Variants in BTBD9 observed in about 807,000 individuals in gnomAD.
BTBD9 encodes BTB domain containing 9, also known as BTB/POZ domain-containing protein 9.
A neutral mutation model predicts 64.3 loss-of-function variants in BTBD9; 49 were observed. That is an observed-to-expected ratio of 0.76 (90% confidence interval 0.61 to 0.97). The LOEUF is 0.97. Among genes scored for constraint, BTBD9 ranks in the 50% least tolerant of loss-of-function variants. BTBD9 has a pLI of 0.00. For synonymous variants in BTBD9, 260 were observed against 274.7 expected (o/e 0.95, Z 0.53); for missense variants, 598 against 762.1 (o/e 0.78, Z 2.53).
chr6:38,197,038 T>C (rs1216123954), intron 9 of BTBD9, among the ~76,000 whole-genome samples: 1 of 152,192 alleles, frequency 6.6e-6, no homozygotes, highest in Admixed American at 6.5e-5. Flanking sequence ...GTAATGCAAA[T>C]GAAATCATGG....
rs367767933 is a variant in BTBD9, at chr6:38,594,339, G to T, written c.186-12C>A. ...CATATAATAATGCTCTGCACATCAG[G>T]GAAGAAACACATGAAGAAACCCTCA... On this transcript the variant is annotated splice_polypyrimidine_tract_variant and intron_variant, in intron 2 of 10. Transcript: ENST00000481247. The T allele has an allele frequency of 7.6e-6, 12 of 1,569,534 alleles. No homozygotes were observed. The African/African-American group carries it at 1.6e-4, about 21-fold the overall frequency.
intron 6 of BTBD9, among the ~76,000 whole-genome samples, chr6:38,505,458 C>G (rs140930561): frequency 6.6e-6 from 1 of 151,962 alleles, no homozygotes; most frequent in Non-Finnish European, 1.5e-5. Flanking sequence ...AACCCCACCT[C>G]TATTAAAAAT....
chr6:38,174,890 A>C lies in BTBD9; in HGVS notation c.*95T>G. The C allele has an allele frequency of 7.0e-7, 1 of 1,428,818 alleles. No individual in the cohort carries two copies. Among genetic ancestry groups the C allele is most frequent in the Non-Finnish European group, 9.6e-7 (1 of 1,045,696 alleles). The allele number at this position is 1,428,818 out of a possible 1,614,324, so 88.5% of individuals were successfully genotyped here. A position where few individuals can be genotyped will look rare whatever the true frequency, so the allele number is the denominator to read the frequency against. ...TCGGCTCCTCCCTGGAAAGGGGCAG[A>C]GGTGGGGGCAGTCAACAGAGACCCC... On this transcript the variant is annotated 3_prime_UTR_variant, in exon 11 of 11. Coordinates refer to ENST00000481247, the MANE Select transcript of BTBD9 (RefSeq NM_001099272.2).
At chr6:38,464,867 C>A (rs1270801133) in intron 6 of BTBD9, among the ~76,000 whole-genome samples, 1 of 152,140 alleles carries the variant, frequency 6.6e-6, no homozygotes, top group Non-Finnish European at 1.5e-5. Context: ...AGAGACTGAA[C>A]TGGGAAATAT....
intron 9 of BTBD9, among the ~76,000 whole-genome samples, chr6:38,215,416 G>A (rs1430689071): frequency 6.6e-6 from 1 of 152,112 alleles, no homozygotes; most frequent in Non-Finnish European, 1.5e-5. Context: ...TTACCCACGC[G>A]CGAGTGAACA....
chr6:38,411,671 C>G (rs1387883248), intron 6 of BTBD9, among the ~76,000 whole-genome samples: 1 of 151,978 alleles, frequency 6.6e-6, no homozygotes, highest in Admixed American at 6.6e-5. Context: ...TGTAGTGACT[C>G]ACACCAGTAA....
Position 38,288,297 on chromosome 6 carries a change from G to A in BTBD9, c.1429C>T (p.Gln477Ter). Residue 477 changes from glutamine to a stop codon, truncating the protein, a stop_gained, in exon 8 of 11, where the codon CAA (glutamine) becomes TAA (stop). Transcript: ENST00000481247. LOFTEE classifies it high-confidence loss of function. ...CGTATTGACCCAATCATGTACGGTTGTGCCAACTGAACCACAATCGCACCA... is the reference window on the plus strand; with the variant it reads ...CGTATTGACCCAATCATGTACGGTTATGCCAACTGAACCACAATCGCACCA... ...GSGAIVVQLA[Q>*]PYMIGSIRLL... The A allele has an allele frequency of 6.2e-7, 1 of 1,614,148 alleles. No homozygotes were observed. The highest frequency in any genetic ancestry group is 8.5e-7 in the Non-Finnish European group (1 of 1,179,978).
chr6:38,211,800 A>G (rs768971020), intron 9 of BTBD9, among the ~76,000 whole-genome samples: 2 of 152,172 alleles, frequency 1.3e-5, no homozygotes, highest in African/African-American at 4.8e-5. Context: ...ATATGGGGCT[A>G]TATTTGTGTA....
intron 6 of BTBD9, among the ~76,000 whole-genome samples, chr6:38,544,412 AGTGT>A (rs1248709845): frequency 6.6e-6 from 1 of 151,694 alleles, no homozygotes; most frequent in Non-Finnish European, 1.5e-5. Flanking sequence ...TGTGTCAGTG[AGTGT>A]GTGTGTGTAT....
chr6:38,568,978 C>T (rs965365243), intron 6 of BTBD9, among the ~76,000 whole-genome samples: 1 of 152,150 alleles, frequency 6.6e-6, no homozygotes, highest in South Asian at 2.1e-4. Context: ...TATGTATGTT[C>T]TCTGAGCTTA....
rs1765778223 is a variant in BTBD9 at position 38,378,321 on chromosome 6, G to A, written c.1155-33228C>T. Among the ~76,000 whole-genome samples the A allele has an allele frequency of 4.7e-5, 7 of 148,396 alleles. No individual in the cohort carries two copies. In the South Asian group the frequency reaches 1.5e-3, roughly 32 times the overall value. On this transcript the variant is annotated intron_variant, in intron 6 of 10. Coordinates refer to ENST00000481247, the MANE Select transcript of BTBD9 (RefSeq NM_001099272.2). The stretch of plus-strand genomic sequence containing the variant: ...TGCAGTGGTGTGATCTTGGCTCACT[G>A]CAACCTCCACCTCCTAGGTTTAAAC...
At chr6:38,254,524 C>T (rs1764509949) in intron 9 of BTBD9, among the ~76,000 whole-genome samples, 1 of 152,062 alleles carries the variant, frequency 6.6e-6, no homozygotes, top group African/African-American at 2.4e-5. Context: ...ATAGTCCCAG[C>T]TGCCTGGGAG....
At chr6:38,258,805 G>T (rs568829101) in intron 8 of BTBD9, among the ~76,000 whole-genome samples, 1 of 152,154 alleles carries the variant, frequency 6.6e-6, no homozygotes, top group African/African-American at 2.4e-5. Context: ...CAGGAGAATC[G>T]CTTGAATCCA....
chr6:38,332,313 C>T (rs1763707366), intron 7 of BTBD9, among the ~76,000 whole-genome samples: 2 of 152,148 alleles, frequency 1.3e-5, no homozygotes, highest in African/African-American at 4.8e-5. Context: ...TAAAATCTAC[C>T]TCTTTAACAA....
At chr6:38,468,133 C>T (rs957280038) in intron 6 of BTBD9, among the ~76,000 whole-genome samples, 1 of 152,160 alleles carries the variant, frequency 6.6e-6, no homozygotes, top group African/African-American at 2.4e-5. Context: ...CCCACCTTGG[C>T]TTCCCGAAGT....
At chr6:38,215,090 G>GA (rs1482430565) in intron 9 of BTBD9, among the ~76,000 whole-genome samples, 9 of 152,156 alleles carry the variant, frequency 5.9e-5, no homozygotes, top group African/African-American at 1.4e-4. Flanking sequence ...GGGGATGGGT[G>GA]AAAAAACTGA....
intron 9 of BTBD9, among the ~76,000 whole-genome samples, chr6:38,255,465 C>T (rs144934143): frequency 1.8e-3 from 276 of 152,244 alleles, no homozygotes; most frequent in African/African-American, 5.9e-3. Flanking sequence ...AAAAGAGAAA[C>T]GCATTTGCTC....
chr6:38,387,307 C>A (rs966954491), intron 6 of BTBD9, among the ~76,000 whole-genome samples: 2 of 152,148 alleles, frequency 1.3e-5, no homozygotes, highest in Admixed American at 6.5e-5. Flanking sequence ...GAGGCTGAGG[C>A]GGGAGGATCA....
intron 4 of BTBD9, chr6:38,587,968 C>T: frequency 1.4e-6 from 1 of 736,938 alleles, no homozygotes. Flanking sequence ...GCATTGCCGC[C>T]TCCTCCTCAG....
Sources: allele counts gnomAD v4.1 joint callset (sites outside exome capture counted in the v4.1 genomes callset), GRCh38; gene constraint gnomAD v4.1.1; transcripts MANE v1.5; gene names NCBI Gene and HGNC (gene_info 2026-07-23, HGNC 2026-07-21).